Variants in MTCL2 observed in about 807,000 individuals in gnomAD.
MTCL2 encodes microtubule cross-linking factor 2.
chr20:36,802,840 C>T, the MTCL2 span: 22 of 1,566,476 alleles, frequency 1.4e-5, 1 homozygote, highest in East Asian at 2.1e-4. Flanking sequence ...AGCGGCTTGG[C>T]AGGGGTGGGC....
chr20:36,787,384 T>C, the MTCL2 span, among the ~76,000 whole-genome samples: 9 of 151,980 alleles, frequency 5.9e-5, no homozygotes, highest in African/African-American at 1.9e-4. Flanking sequence ...TGTGCCACCA[T>C]GCCTAGCTAA....
At chr20:36,857,070 C>T in the MTCL2 span, among the ~76,000 whole-genome samples, 1 of 152,100 alleles carries the variant, frequency 6.6e-6, no homozygotes, top group Non-Finnish European at 1.5e-5. Context: ...GGGGAGGTAC[C>T]CGGGTGGTGA....
chr20:36,839,094 G>A, the MTCL2 span: 1 of 832,080 alleles, frequency 1.2e-6, no homozygotes, highest in Admixed American at 2.6e-5. The surrounding 1 kb of genome is among the most constrained non-coding windows in gnomAD (Gnocchi z 5.1). Context: ...TGAGGAAACT[G>A]AGGCCCAGAG....
the MTCL2 span, among the ~76,000 whole-genome samples, chr20:36,806,363 T>C: frequency 6.6e-6 from 1 of 152,156 alleles, no homozygotes; most frequent in Non-Finnish European, 1.5e-5. Context: ...AGTCACCTTC[T>C]GTGCTCAAGC....
the MTCL2 span, chr20:36,815,380 CGTT>C: frequency 1.2e-6 from 2 of 1,613,454 alleles, no homozygotes; most frequent in Non-Finnish European, 1.7e-6. The surrounding 1 kb of genome is among the most constrained non-coding windows in gnomAD (Gnocchi z 5.3). Context: ...TCAGCACACT[CGTT>C]GTCCAGACAC....
the MTCL2 span, among the ~76,000 whole-genome samples, chr20:36,804,044 G>A: frequency 6.6e-6 from 1 of 151,550 alleles, no homozygotes; most frequent in Non-Finnish European, 1.5e-5. Flanking sequence ...GGGCCAGTCT[G>A]ACACTTATTA....
At chr20:36,808,609 C>A in the MTCL2 span, 6 of 1,611,686 alleles carry the variant, frequency 3.7e-6, no homozygotes, top group Non-Finnish European at 4.2e-6. Context: ...GGAAGTTGTG[C>A]TTGAATTGCT....
the MTCL2 span, chr20:36,859,762 C>T: frequency 1.6e-6 from 2 of 1,231,618 alleles, no homozygotes; most frequent in African/African-American, 3.1e-5. Context: ...CTGGTGGGAC[C>T]TCCTTCAACT....
the MTCL2 span, among the ~76,000 whole-genome samples, chr20:36,858,461 AAAACACACACACACACAC>A: frequency 0.12 from 5,152 of 42,096 alleles, 760 homozygotes; most frequent in Middle Eastern, 0.17. Flanking sequence ...CCAAGGAGGG[AAAACACACACACACACAC>A]ACACACACAC....
At chr20:36,820,411 G>A in the MTCL2 span, among the ~76,000 whole-genome samples, 1 of 152,288 alleles carries the variant, frequency 6.6e-6, no homozygotes, top group African/African-American at 2.4e-5. Flanking sequence ...ACATGGTAAA[G>A]TCTCTCAGAC....
At chr20:36,788,806 CT>C in the MTCL2 span, among the ~76,000 whole-genome samples, 100 of 142,556 alleles carry the variant, frequency 7.0e-4, no homozygotes, top group Admixed American at 8.3e-4. Flanking sequence ...CTTTTCTTTT[CT>C]TTTTTTTTTT....
chr20:36,828,768 G>T, the MTCL2 span: 1 of 373,340 alleles, frequency 2.7e-6, no homozygotes. Flanking sequence ...CACAGCGGCT[G>T]TGGTTCTTTG....
At chr20:36,830,554 C>T in the MTCL2 span, among the ~76,000 whole-genome samples, 3 of 152,116 alleles carry the variant, frequency 2.0e-5, no homozygotes, top group Admixed American at 1.3e-4. Flanking sequence ...GGCAACAGAG[C>T]GAGACCCTGT....
the MTCL2 span, among the ~76,000 whole-genome samples, chr20:36,853,118 G>A: frequency 5.3e-5 from 8 of 150,956 alleles, no homozygotes; most frequent in South Asian, 2.1e-4. Context: ...TGGCATCACC[G>A]TGCCACATGA....
the MTCL2 span, among the ~76,000 whole-genome samples, chr20:36,849,001 T>C: frequency 6.6e-6 from 1 of 151,710 alleles, no homozygotes; most frequent in East Asian, 1.9e-4. Context: ...TAAGCACACA[T>C]ATTACTATGT....
At chr20:36,829,273 C>T in the MTCL2 span, 1 of 1,493,374 alleles carries the variant, frequency 6.7e-7, no homozygotes, top group South Asian at 1.3e-5. Context: ...CACTGCAAGT[C>T]CCACTGACCA....
chr20:36,793,646 G>C, the MTCL2 span: 1 of 1,551,078 alleles, frequency 6.4e-7, no homozygotes, highest in Non-Finnish European at 8.7e-7. This position sits in a 1 kb window ranked among gnomAD's most constrained non-coding sequence, Gnocchi z 6.8. Flanking sequence ...GCTGTCCCGC[G>C]TGGTGGTGGA....
At chr20:36,828,505 G>A in the MTCL2 span, 1 of 153,050 alleles carries the variant, frequency 6.5e-6, no homozygotes, top group African/African-American at 2.4e-5. Context: ...ACACAGACAG[G>A]AATGTGTCTC....
the MTCL2 span, among the ~76,000 whole-genome samples, chr20:36,799,529 A>ATAAG: frequency 6.7e-6 from 1 of 150,302 alleles, no homozygotes; most frequent in Non-Finnish European, 1.5e-5. Flanking sequence ...AAATAAATAA[A>ATAAG]TAAATAAAAG....
Sources: allele counts gnomAD v4.1 joint callset (sites outside exome capture counted in the v4.1 genomes callset), GRCh38; gene constraint gnomAD v4.1.1; non-coding constraint Gnocchi (gnomAD v3.1); transcripts MANE v1.5; gene names NCBI Gene and HGNC (gene_info 2026-07-23, HGNC 2026-07-21).